Variants in ECH1 observed in about 807,000 individuals in gnomAD.
ECH1 encodes the protein delta(3,5)-Delta(2,4)-dienoyl-CoA isomerase, mitochondrial.
A neutral mutation model predicts 37.0 loss-of-function variants in ECH1; 30 were observed. The ratio of observed to expected loss-of-function variants is 0.81; its 90% confidence interval spans 0.61 to 1.10. The LOEUF is 1.10. ECH1 is among the 50% of genes least tolerant of loss of function. The pLI is 0.00. For missense variants in ECH1, 456 were observed against 441.6 expected (o/e 1.03, Z -0.29); for synonymous variants, 178 against 176.0 (o/e 1.01, Z -0.09).
intron 3 of ECH1, among the ~76,000 whole-genome samples, chr19:38,824,937 G>A (rs7251368): frequency 0.045 from 6,822 of 152,172 alleles, 226 homozygotes; most frequent in African/African-American, 0.088. Context: ...GGTCCCACCC[G>A]GGTACATGTC....
At chr19:38,825,937 A>T (rs1971732998) in intron 3 of ECH1, among the ~76,000 whole-genome samples, 2 of 152,154 alleles carry the variant, frequency 1.3e-5, no homozygotes, top group Admixed American at 6.5e-5. Context: ...CATCACCCTC[A>T]CTGAGCCCCG....
intron 3 of ECH1, among the ~76,000 whole-genome samples, chr19:38,823,749 C>T (rs762942186): frequency 4.6e-5 from 7 of 152,224 alleles, no homozygotes; most frequent in African/African-American, 9.6e-5. Flanking sequence ...AAGCGAGACT[C>T]GCCCATCTAT....
intron 3 of ECH1, chr19:38,819,027 G>T: frequency 1.3e-6 from 1 of 761,320 alleles, no homozygotes; most frequent in Non-Finnish European, 1.6e-6. Context: ...GTGCATTTGA[G>T]CCCAGGAGTT....
intron 3 of ECH1, chr19:38,820,378 C>T (rs1227095103): frequency 6.6e-6 from 1 of 152,034 alleles, no homozygotes; most frequent in Non-Finnish European, 1.5e-5. Context: ...TACTTTTAAC[C>T]AGCATGCCAG....
chr19:38,816,431 C>T (rs763381432), intron 7 of ECH1, 22 bp downstream of exon 7: 6 of 1,613,996 alleles, frequency 3.7e-6, no homozygotes, highest in South Asian at 1.1e-5. Context: ...CCTGCCCACA[C>T]CCCCACACCC....
At position 38,816,316 on chromosome 19, in the gene ECH1, C is replaced by G; in HGVS notation, c.699G>C (p.Met233Ile). The G allele has an allele frequency of 1.9e-6, 3 of 1,613,804 alleles. No individual in the cohort carries two copies. The highest frequency in any genetic ancestry group is 2.5e-6 in the Non-Finnish European group (3 of 1,180,006). Reference sequence around the variant, plus strand: ...GCCCACTGCCCAGGGCCTCGTCAGCCATCATCTTGCGGGCGGTGAAGGCCA... The same window carrying G: ...GCCCACTGCCCAGGGCCTCGTCAGCGATCATCTTGCGGGCGGTGAAGGCCA... ...NELAFTARKM[M>I]ADEALGSGLV... Residue 233 changes from methionine to isoleucine, a missense_variant, in exon 8 of 10, where the codon ATG (methionine) becomes ATC (isoleucine). By Grantham distance (10) the Met-to-Ile change is conservative (BLOSUM62 1). Transcript: ENST00000221418.
intron 3 of ECH1, chr19:38,818,975 C>G (rs1371737514): frequency 7.4e-6 from 2 of 269,890 alleles, no homozygotes; most frequent in East Asian, 3.6e-4. Context: ...TGGTCTCCAA[C>G]TCTGTGTGTG....
chr19:38,817,346 C>A lies in ECH1; in HGVS notation c.493G>T (p.Ala165Ser). The stretch of plus-strand genomic sequence containing the variant: ...CCAATGCAGCCCCCATGGACGGCAG[C>A]AATCACGGGCTTGGGGCACTGAGAG... The part of the protein sequence containing the change: ...VIERCPKPVI[A>S]AVHGGCIGGG... The change falls in exon 5 of 10, where the codon GCT (alanine) becomes TCT (serine). Residue 165 changes from alanine (A) to serine (S), a missense_variant. Physicochemically the swap from Ala to Ser is moderately conservative, Grantham distance 99. Coordinates refer to ENST00000221418, the MANE Select transcript of ECH1 (RefSeq NM_001398.3). 6.3e-7 allele frequency: 1 copy of A among 1,584,870 alleles called. No individual in the cohort carries two copies. The highest frequency in any genetic ancestry group is 8.6e-7 in the Non-Finnish European group (1 of 1,164,656).
rs367713046 is a variant in ECH1 at position 38,815,567 on chromosome 19, C to T, written c.*46G>A. The T allele has an allele frequency of 1.9e-6, 3 of 1,575,200 alleles. No homozygotes were observed. The highest frequency in any genetic ancestry group is 1.7e-4 in the Middle Eastern group (1 of 6,006). On this transcript the variant is annotated 3_prime_UTR_variant, in exon 10 of 10. Coordinates refer to ENST00000221418, the MANE Select transcript of ECH1 (RefSeq NM_001398.3). The stretch of plus-strand genomic sequence containing the variant: ...CCATCCTCCCTTTCTGTGGATGAGG[C>T]GGGACAAGGCCGGCCCCCTGGCTGG...
chr19:38,830,368 G>A (rs908037199), intron 3 of ECH1, among the ~76,000 whole-genome samples: 2 of 152,178 alleles, frequency 1.3e-5, no homozygotes, highest in African/African-American at 4.8e-5. Context: ...AGGCTGAGAG[G>A]TTAAGCATGT....
At chr19:38,831,219 A>T in intron 2 of ECH1, 53 bp from the exon 3 acceptor site, 2 of 1,608,548 alleles carry the variant, frequency 1.2e-6, no homozygotes, top group Non-Finnish European at 1.7e-6. Context: ...CCCTGCCCTC[A>T]TGTCCATCTT....
Position 38,822,555 on chromosome 19 carries a change from GT to G in ECH1, c.350-4981del, listed in dbSNP as rs375711658. ...GATTGTAAATACACCAATCAGCACT[GT>G]GTGTCTAGCTCAAGGTTTGTAAATA... On this transcript the variant is annotated intron_variant, in intron 3 of 9. Coordinates refer to ENST00000221418, the MANE Select transcript of ECH1 (RefSeq NM_001398.3). Among the ~76,000 whole-genome samples, 270 of 139,140 alleles carry G rather than the reference GT, an allele frequency of 1.9e-3. 2 individuals carry two copies. The highest frequency in any genetic ancestry group is 7.0e-3 in the African/African-American group (259 of 37,234). The allele number at this position is 139,140 out of a possible 152,430, so 91.3% of individuals were successfully genotyped here.
intron 3 of ECH1, among the ~76,000 whole-genome samples, chr19:38,826,509 G>T (rs763593851): frequency 2.6e-5 from 4 of 152,242 alleles, no homozygotes; most frequent in Non-Finnish European, 4.4e-5. Flanking sequence ...TAAATGGTCA[G>T]TGGAGACTAG....
intron 3 of ECH1, among the ~76,000 whole-genome samples, chr19:38,830,563 T>C (rs1971803616): frequency 6.6e-6 from 1 of 150,956 alleles, no homozygotes; most frequent in African/African-American, 2.4e-5. Flanking sequence ...GGTGGGAGAA[T>C]CGCTTGACCT....
chr19:38,831,669 C>A (rs1600032436), intron 1 of ECH1, 52 bp downstream of exon 1: 2 of 1,609,842 alleles, frequency 1.2e-6, no homozygotes, highest in Non-Finnish European at 8.5e-7. Flanking sequence ...CCTACATCTG[C>A]TATAACAGCA....
At chr19:38,822,636 T>A (rs1399140903) in intron 3 of ECH1, among the ~76,000 whole-genome samples, 15 of 152,232 alleles carry the variant, frequency 9.9e-5, no homozygotes, top group Admixed American at 9.8e-4. Context: ...CAATCAGTGC[T>A]CTGTGTCTAG....
Position 38,831,130 on chromosome 19 carries a change from G to A in ECH1, c.297C>T (p.Asp99=), listed in dbSNP as rs935897167. 14 of 1,613,878 alleles carry A rather than the reference G, an allele frequency of 8.7e-6. No individual in the cohort carries two copies. Among genetic ancestry groups the A allele is most frequent in the Admixed American group, 5.0e-5 (3 of 59,990 alleles). The change falls in exon 3 of 10, where the codon GAC becomes GAT. Residue 99 remains aspartate (D), a synonymous_variant. Coordinates refer to ENST00000221418, the MANE Select transcript of ECH1 (RefSeq NM_001398.3). ...MVECFNKISR[D]ADCRAVVISG... Reference sequence around the variant, plus strand: ...AGATCACCACCGCCCGACAGTCAGCGTCTCTCGAAATCTTGTTGAAGCACT... The same window carrying A: ...AGATCACCACCGCCCGACAGTCAGCATCTCTCGAAATCTTGTTGAAGCACT...
intron 3 of ECH1, chr19:38,818,297 A>C (rs1971608056): frequency 1.0e-6 from 1 of 985,158 alleles, no homozygotes; most frequent in African/African-American, 1.7e-5. Flanking sequence ...TGAGATGAGA[A>C]ACATCTCACG....
rs1971814147 is a variant in ECH1, at chr19:38,831,126, C to T, written c.301G>A (p.Asp101Asn). 1.2e-6 allele frequency: 2 copies of T among 1,613,974 alleles called. No individual in the cohort carries two copies. Among genetic ancestry groups the T allele is most frequent in the Non-Finnish European group, 1.7e-6 (2 of 1,180,006 alleles). Residue 101 changes from aspartate to asparagine, a missense_variant, in exon 3 of 10, where the codon GAC (aspartate) becomes AAC (asparagine). By Grantham distance (23) the Asp-to-Asn change is conservative. Coordinates refer to ENST00000221418, the MANE Select transcript of ECH1 (RefSeq NM_001398.3). ...ECFNKISRDA[D>N]CRAVVISGAG... ...CCAGAGATCACCACCGCCCGACAGT[C>T]AGCGTCTCTCGAAATCTTGTTGAAG...
Sources: allele counts gnomAD v4.1 joint callset (sites outside exome capture counted in the v4.1 genomes callset), GRCh38; gene constraint gnomAD v4.1.1; transcripts MANE v1.5; gene names NCBI Gene and HGNC (gene_info 2026-07-23, HGNC 2026-07-21).